TNRC6B: variants seen among roughly 807,000 people sequenced by gnomAD.
The protein encoded by TNRC6B is trinucleotide repeat-containing gene 6B protein.
TNRC6B carries 52 observed loss-of-function variants against 203.6 expected under a neutral mutation model. The ratio of observed to expected loss-of-function variants is 0.26; its 90% CI spans 0.20 to 0.32. The LOEUF (loss-of-function observed/expected upper bound fraction) is 0.32. Ranked by LOEUF, TNRC6B falls within the 10% of genes least tolerant of loss-of-function variation. The probability of loss-of-function intolerance (pLI) is 1.00; values close to 1 mark genes in which losing one functional copy is unlikely to be tolerated. For synonymous variants in TNRC6B, 838 were observed against 845.7 expected, an observed-to-expected ratio of 0.99 and a Z score of 0.16; for missense variants, 1,923 against 2,286.2, an observed-to-expected ratio of 0.84 and a Z score of 3.24.
At chr22:40,322,832 C>G (rs535412789) in intron 22 of TNRC6B, 22 bp from the exon 23 acceptor site, 1 of 1,613,324 alleles carries the variant, frequency 6.2e-7, no homozygotes, top group Non-Finnish European at 8.5e-7. Flanking sequence ...ATCCATAGCT[C>G]TCTTTCCCTC....
At chr22:40,139,114 A>G (rs1461982188) in intron 3 of TNRC6B, among the ~76,000 whole-genome samples, 1 of 152,176 alleles carries the variant, frequency 6.6e-6, no homozygotes, top group Non-Finnish European at 1.5e-5. Flanking sequence ...CTTTCCTCCC[A>G]GGCACAGGCA....
At chr22:40,090,982 A>G (rs2068145730) in intron 1 of TNRC6B, among the ~76,000 whole-genome samples, 1 of 152,032 alleles carries the variant, frequency 6.6e-6, no homozygotes, top group Non-Finnish European at 1.5e-5. Context: ...ATACCAATAA[A>G]GTTTTTTTTA....
intron 1 of TNRC6B, among the ~76,000 whole-genome samples, chr22:40,103,026 A>G (rs1403756371): frequency 6.6e-6 from 1 of 152,078 alleles, no homozygotes; most frequent in Admixed American, 6.5e-5. Context: ...GCAGTGAGCC[A>G]AGATCGCACC....
chr22:40,097,778 T>G (rs550250151), intron 1 of TNRC6B, among the ~76,000 whole-genome samples: 10 of 151,960 alleles, frequency 6.6e-5, no homozygotes, highest in Admixed American at 1.3e-4. Flanking sequence ...TATATATGTT[T>G]TATATATTTA....
chr22:40,323,441 G>T lies in TNRC6B; in HGVS notation c.*200G>T, dbSNP rs1390883733. ...CTTATAACTTCAGTTTTTTCGTTTG[G>T]AATATGAATCCAAAAAGAGAACATA... is the stretch of plus-strand genomic sequence containing the variant. On this transcript the variant is annotated 3_prime_UTR_variant, in exon 23 of 23. Coordinates refer to ENST00000454349, the MANE Select transcript of TNRC6B (RefSeq NM_001162501.2). 5 of 560,658 alleles carry T rather than the reference G, an allele frequency of 8.9e-6. No individual in the cohort carries two copies. The highest frequency in any genetic ancestry group is 5.8e-5 in the African/African-American group (3 of 51,592). The allele number at this position is 560,658 out of a possible 1,614,324, so 34.7% of individuals were successfully genotyped here.
In TNRC6B at chr22:40,327,378, A is replaced by T. The variant is rs980036717; in HGVS notation, c.*4137A>T. On this transcript the variant is annotated 3_prime_UTR_variant, in exon 23 of 23. Transcript: ENST00000454349. The stretch of plus-strand genomic sequence containing the variant: ...AAGCAAGTTAATATGCTTATGTCTC[A>T]GTAATGTAGAATGCCAAGTTCCTTC... The T allele has an allele frequency of 6.6e-6, 1 of 152,638 alleles. No homozygotes were observed. Among genetic ancestry groups the T allele is most frequent in the African/African-American group, 2.4e-5 (1 of 41,472 alleles). The allele number at this position is 152,638 out of a possible 1,614,324, so 9.5% of individuals were successfully genotyped here.
chr22:40,075,397 T>G (rs73422364), intron 1 of TNRC6B, among the ~76,000 whole-genome samples: 6,669 of 151,766 alleles, frequency 0.044, 441 homozygotes, highest in African/African-American at 0.14. Flanking sequence ...TCCTTATCCC[T>G]GGTAATATTT....
intron 12 of TNRC6B, among the ~76,000 whole-genome samples, chr22:40,286,833 GAGTAATAGCTGATAAGCTCATGCAA>G (rs2146529623): frequency 6.6e-6 from 1 of 152,306 alleles, no homozygotes; most frequent in South Asian, 2.1e-4. Flanking sequence ...CGTGAGGATA[GAGTAATAGCTGATAAGCTCATGCAA>G]GGATTCAGTG....
At chr22:40,135,175 A>G (rs2068588985) in intron 3 of TNRC6B, among the ~76,000 whole-genome samples, 1 of 152,202 alleles carries the variant, frequency 6.6e-6, no homozygotes, top group South Asian at 2.1e-4. Flanking sequence ...ACTGTGCAGG[A>G]GCTGCAGACA....
intron 1 of TNRC6B, among the ~76,000 whole-genome samples, chr22:40,060,435 C>T (rs1039156476): frequency 1.3e-5 from 2 of 152,116 alleles, no homozygotes; most frequent in Non-Finnish European, 2.9e-5. Context: ...AGCCACCATG[C>T]CCAGCCAACC....
chr22:40,171,584 CCAAA>C (rs1416737211), intron 4 of TNRC6B, among the ~76,000 whole-genome samples: 1 of 151,852 alleles, frequency 6.6e-6, no homozygotes, highest in Non-Finnish European at 1.5e-5. Flanking sequence ...TTTTTAGATC[CCAAA>C]CATTTTTCTA....
intron 3 of TNRC6B, among the ~76,000 whole-genome samples, chr22:40,257,876 A>G (rs1315725754): frequency 6.6e-6 from 1 of 151,198 alleles, no homozygotes; most frequent in African/African-American, 2.4e-5. Context: ...TACAAAAATT[A>G]GTGAGGCGTG....
chr22:40,125,956 A>G (rs2068489255), intron 3 of TNRC6B: 2 of 1,271,842 alleles, frequency 1.6e-6, no homozygotes, highest in Non-Finnish European at 2.1e-6. Context: ...CATGACTGTA[A>G]AAATTCGATT....
chr22:40,049,157 G>T (rs932479007), intron 1 of TNRC6B, among the ~76,000 whole-genome samples: 40 of 152,012 alleles, frequency 2.6e-4, no homozygotes, highest in African/African-American at 8.9e-4. Flanking sequence ...TGAGGCGGGT[G>T]GATCACGAGG....
At chr22:40,195,751 G>T (rs4550767) in intron 1 of TNRC6B, among the ~76,000 whole-genome samples, 102,434 of 151,900 alleles carry the variant, frequency 0.67, 36,136 homozygotes, top group African/African-American at 0.89. Context: ...ACCATCCTCA[G>T]CTTTATTTTG....
chr22:40,245,658 CCATCTGGATATTGTCGTATT>C (rs1360246129), intron 1 of TNRC6B, among the ~76,000 whole-genome samples: 1 of 152,010 alleles, frequency 6.6e-6, no homozygotes, highest in African/African-American at 2.4e-5. Flanking sequence ...TGCCCAGAAG[CCATCTGGATATTGTCGTATT>C]CAAATCAGGT....
chr22:40,297,075 T>C (rs2070954302), intron 12 of TNRC6B, among the ~76,000 whole-genome samples: 1 of 152,236 alleles, frequency 6.6e-6, no homozygotes, highest in African/African-American at 2.4e-5. Context: ...TCAATAATCA[T>C]AGTTTGCTAA....
intron 12 of TNRC6B, among the ~76,000 whole-genome samples, chr22:40,295,890 G>C (rs1182411805): frequency 2.0e-5 from 3 of 152,104 alleles, no homozygotes; most frequent in Non-Finnish European, 4.4e-5. Flanking sequence ...TTAAGAAGAA[G>C]GACGTTCAAA....
At chr22:40,216,651 A>C (rs1326463864) in intron 1 of TNRC6B, among the ~76,000 whole-genome samples, 1 of 152,128 alleles carries the variant, frequency 6.6e-6, no homozygotes, top group Non-Finnish European at 1.5e-5. Context: ...ACACCTCTAT[A>C]TTAAGTGGTT....
Sources: allele counts gnomAD v4.1 joint callset (sites outside exome capture counted in the v4.1 genomes callset), GRCh38; gene constraint gnomAD v4.1.1; transcripts MANE v1.5; gene names NCBI Gene and HGNC (gene_info 2026-07-23, HGNC 2026-07-21).